Variants in PSMA8 observed in about 807,000 individuals in gnomAD.
PSMA8 encodes the protein proteasome subunit alpha-type 8.
Under a neutral mutation model 32.4 loss-of-function variants are expected in PSMA8, and 18 were observed. That is an observed-to-expected ratio of 0.56 (90% CI 0.38 to 0.82). PSMA8 has a LOEUF of 0.82. PSMA8 is among the 40% of genes least tolerant of loss of function. The pLI is 0.00. For missense variants in PSMA8, 298 were observed against 300.7 expected (o/e 0.99, Z 0.07); for synonymous variants, 104 against 98.1 (o/e 1.06, Z -0.36).
At chr18:26,163,266 G>T (rs149007995) in intron 4 of PSMA8, among the ~76,000 whole-genome samples, 9 of 109,366 alleles carry the variant, frequency 8.2e-5, no homozygotes, top group African/African-American at 2.6e-4. Flanking sequence ...TATATATGCT[G>T]TGAGTAAAAT....
intron 2 of PSMA8, among the ~76,000 whole-genome samples, chr18:26,145,182 G>C (rs900085595): frequency 1.3e-5 from 2 of 152,016 alleles, no homozygotes; most frequent in African/African-American, 4.8e-5. Context: ...GCAATGGCGC[G>C]ATCTCTGCTC....
rs749240094 is a variant in PSMA8 at position 26,144,598 on chromosome 18, GA to G, written c.150del (p.Lys50AsnfsTer12). 6 of 1,613,120 alleles carry G rather than the reference GA, an allele frequency of 3.7e-6. No homozygotes were observed. Among genetic ancestry groups the G allele is most frequent in the Non-Finnish European group, 2.5e-6 (3 of 1,179,314 alleles). The part of the protein sequence containing the change: ...RGTNIVVLGV[E>X]KKSVAKLQDE... ...TACCAATATAGTTGTTCTTGGGGTA[GA>G]AAAAAAATCTGTTGCCAAGCTTCAA... On this transcript the variant is annotated frameshift_variant, in exon 2 of 7. Transcript: ENST00000415576. LOFTEE classifies it high-confidence loss of function.
intron 2 of PSMA8, among the ~76,000 whole-genome samples, chr18:26,147,732 C>T (rs2055015362): frequency 6.6e-6 from 1 of 151,752 alleles, no homozygotes; most frequent in South Asian, 2.1e-4. Context: ...AGATAAATAA[C>T]AGAATAGAAA....
chr18:26,178,685 T>G, intron 4 of PSMA8, 145 bp from the exon 5 acceptor site: 1 of 682,112 alleles, frequency 1.5e-6, no homozygotes, highest in South Asian at 2.2e-5. Flanking sequence ...ACTGAAATGT[T>G]TGCTATGTTT....
intron 1 of PSMA8, among the ~76,000 whole-genome samples, chr18:26,141,602 C>G (rs1004977515): frequency 1.3e-5 from 2 of 151,396 alleles, no homozygotes; most frequent in African/African-American, 4.9e-5. Flanking sequence ...GATGGCTGAT[C>G]TGAAATATAA....
rs1006867476 is a variant in PSMA8, at chr18:26,171,313, C to G, written c.478-7517C>G. 1.3e-4 allele frequency: 202 copies of G among 1,496,400 alleles called. 24 individuals are homozygous for G. Among genetic ancestry groups the G allele is most frequent in the Admixed American group, 2.0e-4 (10 of 50,208 alleles). 92.7% of individuals were successfully genotyped at this position (1,496,400 alleles called of 1,614,324 possible). The stretch of plus-strand genomic sequence containing the variant: ...ACAGCAGCGGGAGGACCTCCGAGCC[C>G]GCTCGTTACAGCAGAACGCGCGGTC... On this transcript the variant is annotated intron_variant, in intron 4 of 6. Coordinates refer to ENST00000415576, the MANE Select transcript of PSMA8 (RefSeq NM_001025096.2).
intron 6 of PSMA8, among the ~76,000 whole-genome samples, chr18:26,179,665 A>G (rs1202371569): frequency 1.3e-5 from 2 of 152,176 alleles, no homozygotes; most frequent in Admixed American, 1.3e-4. Context: ...AGCATTTGAA[A>G]TGTAGTTCAC....
intron 1 of PSMA8, among the ~76,000 whole-genome samples, chr18:26,136,534 C>T (rs904702621): frequency 1.3e-5 from 2 of 152,166 alleles, no homozygotes; most frequent in African/African-American, 4.8e-5. Context: ...ACCTTTCTTT[C>T]TGCTGCTCTG....
chr18:26,167,771 C>G (rs1387282744), intron 4 of PSMA8, among the ~76,000 whole-genome samples: 5 of 152,044 alleles, frequency 3.3e-5, no homozygotes. Context: ...ATTGCTAGCA[C>G]CTTGAGCTTG....
intron 2 of PSMA8, among the ~76,000 whole-genome samples, chr18:26,148,070 C>T (rs145713765): frequency 2.2e-3 from 332 of 152,244 alleles, no homozygotes; most frequent in Non-Finnish European, 4.4e-3. Flanking sequence ...GATCTAACGA[C>T]TTCACCAGTG....
intron 4 of PSMA8, among the ~76,000 whole-genome samples, chr18:26,177,625 C>T (rs531974543): frequency 1.3e-4 from 20 of 152,072 alleles, no homozygotes; most frequent in Non-Finnish European, 1.9e-4. Flanking sequence ...GCCATGCAGC[C>T]AGGAAAATCC....
At chr18:26,175,836 C>T (rs1352557874) in intron 4 of PSMA8, among the ~76,000 whole-genome samples, 1 of 152,170 alleles carries the variant, frequency 6.6e-6, no homozygotes, top group Non-Finnish European at 1.5e-5. Context: ...TCCATGCTCT[C>T]AAGATAGCTG....
At position 26,193,331 on chromosome 18, in the gene PSMA8, T is replaced by C. The variant is rs1267528912; in HGVS notation, c.*920T>C. 5 of 152,202 alleles carry C rather than the reference T, an allele frequency of 3.3e-5. No individual in the cohort carries two copies. Among genetic ancestry groups the C allele is most frequent in the Non-Finnish European group, 7.3e-5 (5 of 68,036 alleles). The allele number at this position is 152,202 out of a possible 1,614,324, so 9.4% of individuals were successfully genotyped here. On this transcript the variant is annotated 3_prime_UTR_variant, in exon 7 of 7. Transcript: ENST00000415576. ...AATTCCTACAGTGAGTTTATATTTTTGAAAATAAAAGCTAGTAAATATTCT... is the reference window on the plus strand; with the variant it reads ...AATTCCTACAGTGAGTTTATATTTTCGAAAATAAAAGCTAGTAAATATTCT...
At chr18:26,177,375 T>G (rs1212681963) in intron 4 of PSMA8, among the ~76,000 whole-genome samples, 1 of 152,208 alleles carries the variant, frequency 6.6e-6, no homozygotes, top group Non-Finnish European at 1.5e-5. Context: ...GTGATGATAT[T>G]GAGAAAGCCT....
chr18:26,185,187 C>T (rs1232437056), intron 6 of PSMA8, among the ~76,000 whole-genome samples: 1 of 149,746 alleles, frequency 6.7e-6, no homozygotes, highest in African/African-American at 2.5e-5. Context: ...TTCCCATTGA[C>T]CTGAGGAGAA....
intron 1 of PSMA8, among the ~76,000 whole-genome samples, chr18:26,144,042 T>C (rs1382448749): frequency 6.6e-6 from 1 of 152,146 alleles, no homozygotes; most frequent in East Asian, 1.9e-4. Flanking sequence ...CTTGTTTTTG[T>C]TAGTGTTTGT....
rs142529623 is a variant in PSMA8, at chr18:26,173,175, C to T, written c.478-5655C>T. Reference sequence around the variant, plus strand: ...ACAGTGGTCTAACCTTATCTGGCCCCCACCTCAACTCTCCAACCCGAAGCT... The same window carrying T: ...ACAGTGGTCTAACCTTATCTGGCCCTCACCTCAACTCTCCAACCCGAAGCT... On this transcript the variant is annotated intron_variant, in intron 4 of 6. Transcript: ENST00000415576. 2.4e-3 allele frequency among the ~76,000 whole-genome samples: 366 copies of T among 152,286 alleles called. 1 individual carries two copies. The highest frequency in any genetic ancestry group is 0.01 in the Middle Eastern group (3 of 294).
intron 2 of PSMA8, among the ~76,000 whole-genome samples, chr18:26,145,067 T>G (rs903212970): frequency 1.3e-5 from 2 of 152,218 alleles, no homozygotes; most frequent in Admixed American, 1.3e-4. Context: ...TTGCCAGTTT[T>G]ACATGCATTC....
At chr18:26,135,482 CG>C (rs1319879357) in intron 1 of PSMA8, among the ~76,000 whole-genome samples, 1 of 151,794 alleles carries the variant, frequency 6.6e-6, no homozygotes, top group Non-Finnish European at 1.5e-5. Context: ...GAAGAAGAAT[CG>C]TTTTAAAAGT....
Sources: allele counts gnomAD v4.1 joint callset (sites outside exome capture counted in the v4.1 genomes callset), GRCh38; gene constraint gnomAD v4.1.1; transcripts MANE v1.5; gene names NCBI Gene and HGNC (gene_info 2026-07-23, HGNC 2026-07-21).